Variants in SPATA16 observed in about 807,000 individuals in gnomAD.
The protein encoded by SPATA16 is spermatogenesis associated 16, also known as spermatogenesis-associated protein 16.
In SPATA16, 36 loss-of-function variants were observed where a neutral mutation model predicts 63.3. The observed-to-expected ratio is 0.57, with a 90% CI of 0.44 to 0.75. The LOEUF is 0.75. Ranked by LOEUF, SPATA16 falls within the 30% of genes least tolerant of loss-of-function variation. The pLI is 0.00. For synonymous variants in SPATA16, 203 were observed against 216.7 expected, an observed-to-expected ratio of 0.94 and a Z score of 0.56; for missense variants, 646 against 679.3, an observed-to-expected ratio of 0.95 and a Z score of 0.54.
intron 6 of SPATA16, among the ~76,000 whole-genome samples, chr3:172,930,025 C>A (rs977400658): frequency 6.6e-6 from 1 of 152,152 alleles, no homozygotes. Flanking sequence ...CTAATTAAAC[C>A]TGCACATTGC....
At chr3:173,075,326 G>A (rs1736773096) in intron 2 of SPATA16, among the ~76,000 whole-genome samples, 1 of 152,120 alleles carries the variant, frequency 6.6e-6, no homozygotes, top group Non-Finnish European at 1.5e-5. Flanking sequence ...GTACACAGTT[G>A]GTGAGAATGT....
chr3:172,942,569 T>A (rs1733181079), intron 6 of SPATA16, among the ~76,000 whole-genome samples: 1 of 152,098 alleles, frequency 6.6e-6, no homozygotes, highest in Admixed American at 6.5e-5. Flanking sequence ...ATAAGAATAA[T>A]TGACAAACCT....
chr3:172,963,201 A>G (rs913944347), intron 5 of SPATA16, among the ~76,000 whole-genome samples: 13 of 152,132 alleles, frequency 8.5e-5, no homozygotes, highest in Middle Eastern at 3.2e-3. Context: ...AACATTCGCA[A>G]TAAGTTTCAT....
intron 2 of SPATA16, among the ~76,000 whole-genome samples, chr3:173,070,578 A>C (rs1216365490): frequency 6.6e-6 from 1 of 152,168 alleles, no homozygotes; most frequent in Non-Finnish European, 1.5e-5. Context: ...TAAAGATGCC[A>C]CCAAAAAACT....
chr3:172,901,552 A>C (rs904834834), intron 10 of SPATA16, among the ~76,000 whole-genome samples: 4 of 151,776 alleles, frequency 2.6e-5, no homozygotes, highest in African/African-American at 9.7e-5. Context: ...GCAGTCATTG[A>C]TTGTCTTTCT....
In SPATA16 at chr3:172,932,558, G is replaced by A. The variant is rs527481569; in HGVS notation, c.1082-7066C>T. Among the ~76,000 whole-genome samples the A allele has an allele frequency of 5.5e-4, 83 of 152,166 alleles. 1 individual carries two copies. Among genetic ancestry groups the A allele is most frequent in the African/African-American group, 1.9e-3 (79 of 41,512 alleles). On this transcript the variant is annotated intron_variant, in intron 6 of 10. Transcript: ENST00000351008. ...TACTTCTTTCTCAATCGTGTTCTGAGTTTTATTTTGTACTCTTTTTAATGC... is the reference window on the plus strand; with the variant it reads ...TACTTCTTTCTCAATCGTGTTCTGAATTTTATTTTGTACTCTTTTTAATGC...
At chr3:172,952,957 A>G (rs1441051274) in intron 6 of SPATA16, among the ~76,000 whole-genome samples, 4 of 151,190 alleles carry the variant, frequency 2.6e-5, no homozygotes, top group Admixed American at 2.6e-4. Context: ...AAAAAAAAAA[A>G]AAAGAAAACA....
intron 5 of SPATA16, among the ~76,000 whole-genome samples, chr3:172,958,708 G>A (rs1396883207): frequency 6.6e-6 from 1 of 152,178 alleles, no homozygotes; most frequent in Non-Finnish European, 1.5e-5. Flanking sequence ...GGTTTCTTCT[G>A]AGGGTCTCTC....
chr3:172,911,663 A>G (rs1359821568), intron 10 of SPATA16, among the ~76,000 whole-genome samples: 1 of 152,300 alleles, frequency 6.6e-6, no homozygotes, highest in South Asian at 2.1e-4. Context: ...CTTCTTCTTT[A>G]GTAAGTGGCA....
rs183807101 is a variant in SPATA16 at position 172,950,392 on chromosome 3, A to G, written c.1081+6285T>C. Among the ~76,000 whole-genome samples the G allele has an allele frequency of 7.2e-4, 110 of 152,320 alleles. No individual in the cohort carries two copies. The Middle Eastern group carries it at 0.01, about 14-fold the overall frequency. ...AGATGAGGGATTTCTTTACCTTGGG[A>G]ACAATTTTCTGATTCTAAGAAGAAT... is the stretch of plus-strand genomic sequence containing the variant. On this transcript the variant is annotated intron_variant, in intron 6 of 10. Transcript: ENST00000351008.
intron 3 of SPATA16, among the ~76,000 whole-genome samples, chr3:173,024,285 C>G (rs184934281): frequency 1.3e-4 from 19 of 151,092 alleles, no homozygotes; most frequent in African/African-American, 3.9e-4. Flanking sequence ...ATTTTTTTCT[C>G]TTACTACATA....
intron 5 of SPATA16, among the ~76,000 whole-genome samples, chr3:172,957,266 C>T (rs367808771): frequency 3.4e-4 from 52 of 152,016 alleles, no homozygotes; most frequent in Non-Finnish European, 5.7e-4. Context: ...ACTAGACAGA[C>T]GGTATTTTTT....
At chr3:172,909,901 G>A (rs759566097) in intron 10 of SPATA16, among the ~76,000 whole-genome samples, 6 of 152,098 alleles carry the variant, frequency 3.9e-5, no homozygotes, top group Non-Finnish European at 5.9e-5. Flanking sequence ...TAAGTGAGAT[G>A]AAATTAGTTG....
chr3:172,963,861 G>A (rs1021746684), intron 5 of SPATA16, among the ~76,000 whole-genome samples: 7 of 152,100 alleles, frequency 4.6e-5, no homozygotes, highest in African/African-American at 1.7e-4. Flanking sequence ...AGCAAGATGA[G>A]AGCCCAAGTC....
At chr3:172,943,405 C>T (rs998588784) in intron 6 of SPATA16, among the ~76,000 whole-genome samples, 9 of 152,234 alleles carry the variant, frequency 5.9e-5, no homozygotes, top group Admixed American at 1.3e-4. Context: ...CCAGCCATAA[C>T]AGTAGTAGAA....
chr3:172,895,842 T>A (rs368936514), intron 10 of SPATA16, among the ~76,000 whole-genome samples: 10 of 152,352 alleles, frequency 6.6e-5, no homozygotes, highest in African/African-American at 2.4e-4. Flanking sequence ...TTGGGGTTAT[T>A]GTAAAATAAG....
intron 1 of SPATA16, among the ~76,000 whole-genome samples, chr3:173,122,338 C>G (rs535060583): frequency 3.9e-5 from 6 of 152,154 alleles, no homozygotes; most frequent in African/African-American, 1.4e-4. Flanking sequence ...GTGGGAGTTT[C>G]TATTGCTTCA....
rs1560101043 is a variant in SPATA16 at position 173,028,034 on chromosome 3, C to CT, written c.759-8460_759-8459insA. Among the ~76,000 whole-genome samples, 68 of 79,630 alleles carry CT rather than the reference C, an allele frequency of 8.5e-4. 2 individuals carry two copies. Among genetic ancestry groups the CT allele is most frequent in the African/African-American group, 3.6e-3 (60 of 16,518 alleles). The allele number at this position is 79,630 out of a possible 152,430, so 52.2% of individuals were successfully genotyped here. A position where few individuals can be genotyped will look rare whatever the true frequency, so the allele number is the denominator to read the frequency against. ...CCCTCCCTTCCTTCTTTCCTTCCTTCCTTCCTTCCTTCCTTCCTTCCTTCC... is the reference window on the plus strand; with the variant it reads ...CCCTCCCTTCCTTCTTTCCTTCCTTCTCTTCCTTCCTTCCTTCCTTCCTTCC... On this transcript the variant is annotated intron_variant, in intron 3 of 10. Coordinates refer to ENST00000351008, the MANE Select transcript of SPATA16 (RefSeq NM_031955.6).
intron 2 of SPATA16, among the ~76,000 whole-genome samples, chr3:173,079,369 G>A (rs1031686844): frequency 1.3e-5 from 2 of 152,048 alleles, no homozygotes; most frequent in African/African-American, 4.8e-5. Flanking sequence ...GTTAAAATAA[G>A]TGAAAAAATT....
Sources: gnomAD v4.1 joint callset for allele counts (sites outside exome capture counted in the v4.1 genomes callset) on GRCh38, gnomAD v4.1.1 for gene constraint, MANE v1.5 for transcripts, NCBI Gene and HGNC (gene_info 2026-07-23, HGNC 2026-07-21) for gene names.